The following NXPH1 variants were observed in gnomAD, a reference collection of about 807,000 sequenced individuals.
NXPH1 encodes neurexophilin-1.
NXPH1 carries 5 observed loss-of-function variants against 23.7 expected under a neutral mutation model. The ratio of observed to expected loss-of-function variants is 0.21; its 90% confidence interval spans 0.11 to 0.44. NXPH1 has a LOEUF of 0.44. Among genes scored for constraint, NXPH1 ranks in the 20% least tolerant of loss-of-function variants. The pLI is 0.99. For synonymous variants in NXPH1, 144 were observed against 122.2 expected, an observed-to-expected ratio of 1.18 and a Z score of -1.18; for missense variants, 324 against 321.6, an observed-to-expected ratio of 1.01 and a Z score of -0.06.
intron 2 of NXPH1, among the ~76,000 whole-genome samples, chr7:8,610,722 C>T (rs1461034422): frequency 6.6e-6 from 1 of 151,874 alleles, no homozygotes. Context: ...ATATGATTAA[C>T]ATGTATTAAT....
intron 2 of NXPH1, among the ~76,000 whole-genome samples, chr7:8,730,130 A>G (rs1049318719): frequency 2.0e-5 from 3 of 149,966 alleles, no homozygotes; most frequent in Non-Finnish European, 4.5e-5. Flanking sequence ...TTGTTGGTTT[A>G]AAGTCTGTTT....
rs536592883 is a variant in NXPH1 at position 8,717,456 on chromosome 7, T to G, written c.55-33552T>G. Among the ~76,000 whole-genome samples, 3 of 152,260 alleles carry G rather than the reference T, an allele frequency of 2.0e-5. No individual in the cohort carries two copies. The South Asian group carries it at 6.2e-4, about 32-fold the overall frequency. On this transcript the variant is annotated intron_variant, in intron 2 of 2. Coordinates refer to ENST00000405863, the MANE Select transcript of NXPH1 (RefSeq NM_152745.3). ...GTTCCTAGGATTCGGCTGAAAGAGA[T>G]AATGTGTGGATTAAAAAAAACCCCT...
rs139239527 is a variant in NXPH1, at chr7:8,638,390, C to G, written c.55-112618C>G. Among the ~76,000 whole-genome samples, 1,135 of 152,282 alleles carry G rather than the reference C, an allele frequency of 7.5e-3. 19 individuals carry two copies. The highest frequency in any genetic ancestry group is 0.026 in the African/African-American group (1,069 of 41,556). On this transcript the variant is annotated intron_variant, in intron 2 of 2. Transcript: ENST00000405863. ...ACCACTGGGGAGAATTAGAATCCTC[C>G]TGGTGCCAGGAAACCTCTTGAAGTT...
At chr7:8,583,588 G>C (rs1818924496) in intron 2 of NXPH1, among the ~76,000 whole-genome samples, 1 of 152,166 alleles carries the variant, frequency 6.6e-6, no homozygotes, top group Non-Finnish European at 1.5e-5. Context: ...TTTAAGAAAT[G>C]TGTTACACAG....
At chr7:8,738,407 GGA>G (rs1780299259) in intron 2 of NXPH1, among the ~76,000 whole-genome samples, 2 of 152,190 alleles carry the variant, frequency 1.3e-5, no homozygotes, top group South Asian at 2.1e-4. Flanking sequence ...GGAGTTTGCT[GGA>G]GGTCCACTCC....
At chr7:8,736,418 T>A (rs1341064237) in intron 2 of NXPH1, among the ~76,000 whole-genome samples, 1 of 152,238 alleles carries the variant, frequency 6.6e-6, no homozygotes, top group Non-Finnish European at 1.5e-5. Flanking sequence ...GGTTGCTCAG[T>A]TTCCAGGTAG....
chr7:8,653,388 A>G (rs1278550460), intron 2 of NXPH1, among the ~76,000 whole-genome samples: 2 of 152,172 alleles, frequency 1.3e-5, no homozygotes, highest in Admixed American at 6.6e-5. Context: ...GCATTGCTCC[A>G]TATCCTTAAC....
At chr7:8,669,634 A>G (rs1208809918) in intron 2 of NXPH1, among the ~76,000 whole-genome samples, 1 of 152,098 alleles carries the variant, frequency 6.6e-6, no homozygotes, top group Non-Finnish European at 1.5e-5. Context: ...GTTCAGTCTG[A>G]GGTCTGGGAG....
intron 2 of NXPH1, among the ~76,000 whole-genome samples, chr7:8,645,661 A>G (rs1367468519): frequency 6.6e-6 from 1 of 151,974 alleles, no homozygotes; most frequent in Non-Finnish European, 1.5e-5. Flanking sequence ...GTATCTTTTA[A>G]TGGAAATATT....
intron 2 of NXPH1, among the ~76,000 whole-genome samples, chr7:8,662,930 G>A (rs915516868): frequency 7.2e-5 from 11 of 152,022 alleles, no homozygotes. Flanking sequence ...TTCTGTATAA[G>A]ATTATCTTAT....
intron 2 of NXPH1, among the ~76,000 whole-genome samples, chr7:8,733,067 C>T (rs977132350): frequency 1.1e-4 from 16 of 151,934 alleles, no homozygotes; most frequent in South Asian, 4.2e-4. Flanking sequence ...TGTAATGTTT[C>T]CCTCCCTGTG....
chr7:8,507,057 G>C (rs1419316352), intron 2 of NXPH1, among the ~76,000 whole-genome samples: 1 of 149,702 alleles, frequency 6.7e-6, no homozygotes, highest in Non-Finnish European at 1.5e-5. Flanking sequence ...AGCCAAATGG[G>C]AAGCTATGCA....
chr7:8,503,345 T>C (rs1250813856), intron 2 of NXPH1, among the ~76,000 whole-genome samples: 1 of 152,002 alleles, frequency 6.6e-6, no homozygotes, highest in Admixed American at 6.6e-5. Context: ...TTTGACTCCA[T>C]AGTCTACTCT....
At chr7:8,551,648 T>A (rs1818277301) in intron 2 of NXPH1, among the ~76,000 whole-genome samples, 1 of 151,538 alleles carries the variant, frequency 6.6e-6, no homozygotes, top group South Asian at 2.1e-4. Flanking sequence ...AAATGCATTC[T>A]TTTTTAAACA....
chr7:8,448,005 G>A (rs1243478494), intron 2 of NXPH1, among the ~76,000 whole-genome samples: 1 of 152,182 alleles, frequency 6.6e-6, no homozygotes, highest in Non-Finnish European at 1.5e-5. Flanking sequence ...GAGCAAACAG[G>A]CCTGTTTTCA....
At chr7:8,478,197 A>C (rs543481388) in intron 2 of NXPH1, among the ~76,000 whole-genome samples, 11 of 152,228 alleles carry the variant, frequency 7.2e-5, no homozygotes, top group Admixed American at 6.5e-4. Flanking sequence ...CCAGAAAAAC[A>C]TGGTGTAGGT....
intron 2 of NXPH1, among the ~76,000 whole-genome samples, chr7:8,525,929 G>C (rs1328112779): frequency 1.3e-5 from 2 of 152,238 alleles, no homozygotes; most frequent in East Asian, 3.9e-4. Context: ...CCCCCACACA[G>C]AGTCCCTACT....
intron 2 of NXPH1, among the ~76,000 whole-genome samples, chr7:8,590,420 G>A (rs1290165555): frequency 6.6e-6 from 1 of 152,002 alleles, no homozygotes; most frequent in Non-Finnish European, 1.5e-5. Flanking sequence ...CTTTTTAGAT[G>A]TTGCTTCATT....
intron 2 of NXPH1, among the ~76,000 whole-genome samples, chr7:8,518,004 G>A (rs1817715827): frequency 1.3e-5 from 2 of 152,128 alleles, no homozygotes; most frequent in African/African-American, 4.8e-5. Flanking sequence ...ATAAAAGGTA[G>A]ACAGGAAAAG....
Sources: allele counts gnomAD v4.1 joint callset (sites outside exome capture counted in the v4.1 genomes callset), GRCh38; gene constraint gnomAD v4.1.1; transcripts MANE v1.5; gene names NCBI Gene and HGNC (gene_info 2026-07-23, HGNC 2026-07-21).